SGIP1: variants seen among roughly 807,000 people sequenced by gnomAD.
SGIP1 encodes SH3-containing GRB2-like protein 3-interacting protein 1.
SGIP1 carries 38 observed loss-of-function variants against 107.5 expected under a neutral mutation model. The observed-to-expected ratio is 0.35, with a 90% confidence interval of 0.27 to 0.46. The LOEUF (loss-of-function observed/expected upper bound fraction) is 0.46, where lower values mean the gene tolerates loss of function less well. Ranked by LOEUF, SGIP1 falls within the 20% of genes least tolerant of loss-of-function variation. The pLI is 1.00. For synonymous variants in SGIP1, 365 were observed against 366.1 expected (o/e 1.00, Z 0.03); for missense variants, 929 against 1,019.5 (o/e 0.91, Z 1.21).
chr1:66,682,155 T>A lies in SGIP1; in HGVS notation c.1101T>A (p.Pro367=). The stretch of plus-strand genomic sequence containing the variant: ...GCCCCCCAGGGCCTCCTGGGCCTCC[T>A]CGCAATGTACTATCGCCGCTCAATT... The part of the protein sequence containing the change: ...PTGPPGPPGP[P]RNVLSPLNLE... The change falls in exon 15 of 25, where the codon CCT becomes CCA. Residue 367 remains proline, a synonymous_variant. Transcript: ENST00000371037. 6.2e-7 allele frequency: 1 copy of A among 1,614,192 alleles called. No individual in the cohort carries two copies.
chr1:66,672,431 T>C (rs2084052041), intron 11 of SGIP1, among the ~76,000 whole-genome samples: 1 of 152,222 alleles, frequency 6.6e-6, no homozygotes, highest in African/African-American at 2.4e-5. Flanking sequence ...AAGCATTGTA[T>C]TTTACAGTGT....
chr1:66,624,445 T>C (rs142420406), intron 1 of SGIP1, among the ~76,000 whole-genome samples: 346 of 152,320 alleles, frequency 2.3e-3, no homozygotes, highest in African/African-American at 8.0e-3. Context: ...AAAATAGTTT[T>C]ATATGGGAGG....
At chr1:66,545,475 A>G (rs2056161347) in intron 1 of SGIP1, among the ~76,000 whole-genome samples, 3 of 152,174 alleles carry the variant, frequency 2.0e-5, no homozygotes, top group Admixed American at 2.0e-4. Flanking sequence ...GTGTGACTCT[A>G]GGGAGCTAGT....
intron 1 of SGIP1, among the ~76,000 whole-genome samples, chr1:66,622,238 A>C (rs749558000): frequency 4.6e-5 from 7 of 152,182 alleles, no homozygotes; most frequent in Non-Finnish European, 1.0e-4. Context: ...AATAAAACCT[A>C]ACTTAGGCAA....
intron 18 of SGIP1, among the ~76,000 whole-genome samples, chr1:66,707,302 A>T (rs2092596050): frequency 6.6e-6 from 1 of 152,136 alleles, no homozygotes; most frequent in African/African-American, 2.4e-5. Context: ...ACTGAGCCTA[A>T]ATCTATTTCA....
Position 66,744,552 on chromosome 1 carries a change from AT to A in SGIP1, c.*1462del, listed in dbSNP as rs1418298012. 7 of 152,234 alleles carry A rather than the reference AT, an allele frequency of 4.6e-5. No individual in the cohort carries two copies. Among genetic ancestry groups the A allele is most frequent in the Admixed American group, 3.3e-4 (5 of 15,296 alleles). 9.4% of individuals were successfully genotyped at this position (152,234 alleles called of 1,614,324 possible). ...AAATAGCTGTAATTATTAAGTTATT[AT>A]TTTTATAATTAGTTGTTAAATTTCA... On this transcript the variant is annotated 3_prime_UTR_variant, in exon 25 of 25. Coordinates refer to ENST00000371037, the MANE Select transcript of SGIP1 (RefSeq NM_032291.4).
intron 1 of SGIP1, among the ~76,000 whole-genome samples, chr1:66,600,159 G>A: frequency 6.6e-6 from 1 of 152,142 alleles, no homozygotes; most frequent in East Asian, 1.9e-4. Flanking sequence ...TAAACAGTCA[G>A]CCTTTGTGCC....
chr1:66,710,599 T>A (rs192731369), intron 18 of SGIP1, among the ~76,000 whole-genome samples: 53 of 152,232 alleles, frequency 3.5e-4, no homozygotes, highest in Non-Finnish European at 6.0e-4. Context: ...CTAGTGTCCA[T>A]CCCCACCCAT....
At chr1:66,549,037 G>T (rs1250105084) in intron 1 of SGIP1, among the ~76,000 whole-genome samples, 2 of 152,130 alleles carry the variant, frequency 1.3e-5, no homozygotes, top group Non-Finnish European at 2.9e-5. Context: ...AAATGCACAG[G>T]CTTGAAAGTT....
chr1:66,564,632 C>A (rs1365669439), intron 1 of SGIP1, among the ~76,000 whole-genome samples: 1 of 151,896 alleles, frequency 6.6e-6, no homozygotes, highest in Non-Finnish European at 1.5e-5. Flanking sequence ...CGTGAGCAGA[C>A]AATACAAGCA....
At chr1:66,740,808 C>A in intron 23 of SGIP1, 86 bp downstream of exon 23, 1 of 805,454 alleles carries the variant, frequency 1.2e-6, no homozygotes, top group Non-Finnish European at 2.0e-6. Flanking sequence ...AAACATGTAG[C>A]AATAAAAACA....
chr1:66,674,167 C>CAAATA (rs953894418), intron 12 of SGIP1, among the ~76,000 whole-genome samples: 15 of 151,966 alleles, frequency 9.9e-5, no homozygotes, highest in South Asian at 6.2e-4. Flanking sequence ...GACCCCACCT[C>CAAATA]AAATAAAATA....
chr1:66,677,186 T>G, intron 13 of SGIP1, 90 bp downstream of exon 13: 1 of 991,560 alleles, frequency 1.0e-6, no homozygotes, highest in Non-Finnish European at 1.6e-6. Flanking sequence ...TTAAAAAGTC[T>G]ATGTAAGCAA....
At chr1:66,593,825 T>C (rs2064105742) in intron 1 of SGIP1, among the ~76,000 whole-genome samples, 1 of 152,228 alleles carries the variant, frequency 6.6e-6, no homozygotes, top group Non-Finnish European at 1.5e-5. Context: ...TCATTTGCTC[T>C]GTAACTTGCC....
At chr1:66,571,881 C>T (rs1557927007) in intron 1 of SGIP1, among the ~76,000 whole-genome samples, 1 of 152,000 alleles carries the variant, frequency 6.6e-6, no homozygotes, top group South Asian at 2.1e-4. Flanking sequence ...CCCTTCTTCT[C>T]AGGTGACAAA....
intron 21 of SGIP1, among the ~76,000 whole-genome samples, chr1:66,738,025 A>T (rs1441069642): frequency 6.6e-6 from 1 of 152,030 alleles, no homozygotes; most frequent in Non-Finnish European, 1.5e-5. Context: ...TGCTGAGGAC[A>T]GAGTCCAGAA....
chr1:66,622,219 G>C (rs1395746681), intron 1 of SGIP1, among the ~76,000 whole-genome samples: 1 of 152,130 alleles, frequency 6.6e-6, no homozygotes, highest in Non-Finnish European at 1.5e-5. Flanking sequence ...CCTTGCTGGG[G>C]ATGAAGATAA....
chr1:66,716,081 C>G (rs1339625660), intron 18 of SGIP1, among the ~76,000 whole-genome samples: 1 of 152,078 alleles, frequency 6.6e-6, no homozygotes, highest in Non-Finnish European at 1.5e-5. Flanking sequence ...TAACAAGTGT[C>G]AGAGACAGGA....
At chr1:66,742,870 G>T (rs1326693163) in intron 24 of SGIP1, among the ~76,000 whole-genome samples, 1 of 152,092 alleles carries the variant, frequency 6.6e-6, no homozygotes, top group African/African-American at 2.4e-5. Context: ...GTTGATCTAT[G>T]GAAATGTGAA....
Sources: gnomAD v4.1 joint callset for allele counts (sites outside exome capture counted in the v4.1 genomes callset) on GRCh38, gnomAD v4.1.1 for gene constraint, MANE v1.5 for transcripts, NCBI Gene and HGNC (gene_info 2026-07-23, HGNC 2026-07-21) for gene names.